IMPG1: variants seen among roughly 807,000 people sequenced by gnomAD.
IMPG1 encodes interphotoreceptor matrix proteoglycan of 150 kDa.
In IMPG1, 85 loss-of-function variants were observed where a neutral mutation model predicts 92.0. The ratio of observed to expected loss-of-function variants is 0.92; its 90% CI spans 0.78 to 1.11. The LOEUF (loss-of-function observed/expected upper bound fraction) is 1.11, where lower values mean the gene tolerates loss of function less well. Among genes scored for constraint, IMPG1 ranks in the 50% least tolerant of loss-of-function variants. The pLI, the probability that IMPG1 is intolerant of heterozygous loss-of-function variation, is 0.00. For synonymous variants in IMPG1, 367 were observed against 334.1 expected (o/e 1.10, Z -1.08); for missense variants, 1,022 against 956.0 (o/e 1.07, Z -0.91).
At chr6:75,983,813 A>G (rs1302945581) in intron 12 of IMPG1, among the ~76,000 whole-genome samples, 5 of 152,194 alleles carry the variant, frequency 3.3e-5, no homozygotes, top group Non-Finnish European at 7.4e-5. Flanking sequence ...ATTTTAAACC[A>G]TATATCTGAA....
rs192737001 is a variant in IMPG1 at position 76,020,875 on chromosome 6, A to T, written c.666+1241T>A. On this transcript the variant is annotated intron_variant, in intron 6 of 16. Transcript: ENST00000369950. ...GACTCTGGCATAACATTATGTGACA[A>T]AGAAGAAAATCAACTTGTTTTTACT... Among the ~76,000 whole-genome samples the T allele has an allele frequency of 1.8e-3, 273 of 152,340 alleles. 5 individuals carry two copies. The Middle Eastern group carries it at 0.061, about 34-fold the overall frequency.
Position 75,968,864 on chromosome 6 carries a change from C to G in IMPG1, c.1292-17770G>C, listed in dbSNP as rs888823345. On this transcript the variant is annotated intron_variant, in intron 12 of 16. Coordinates refer to ENST00000369950, the MANE Select transcript of IMPG1 (RefSeq NM_001563.4). ...CCTCGACCTTGGACTTTCCAGCCTC[C>G]AGAACTGCAAGCAATACATTTATTT... is the stretch of plus-strand genomic sequence containing the variant. Among the ~76,000 whole-genome samples, 23 of 152,092 alleles carry G rather than the reference C, an allele frequency of 1.5e-4. 1 individual carries two copies. The highest frequency in any genetic ancestry group is 3.4e-4 in the Non-Finnish European group (23 of 68,030).
At chr6:75,924,724 TA>T (rs71002778) in intron 15 of IMPG1, among the ~76,000 whole-genome samples, 5 of 5,486 alleles carry the variant, frequency 9.1e-4, no homozygotes, top group South Asian at 5.6e-3. Flanking sequence ...ATATATAATA[TA>T]ATTATATATA....
intron 1 of IMPG1, among the ~76,000 whole-genome samples, chr6:76,062,380 C>T (rs908926143): frequency 1.3e-5 from 2 of 152,194 alleles, no homozygotes; most frequent in African/African-American, 4.8e-5. Flanking sequence ...TAAAATGATG[C>T]TTGTCAAAAT....
intron 12 of IMPG1, among the ~76,000 whole-genome samples, chr6:75,962,502 T>C (rs1324311516): frequency 6.6e-6 from 1 of 151,996 alleles, no homozygotes; most frequent in African/African-American, 2.4e-5. Flanking sequence ...ACAAAACTAC[T>C]GGATGAAATG....
intron 4 of IMPG1, among the ~76,000 whole-genome samples, chr6:76,032,434 T>C (rs1179245332): frequency 6.6e-6 from 1 of 152,180 alleles, no homozygotes; most frequent in Non-Finnish European, 1.5e-5. Context: ...TCACATTATT[T>C]CTCCTGGCAA....
chr6:75,994,001 T>G (rs1486706493), intron 12 of IMPG1, among the ~76,000 whole-genome samples: 1 of 152,206 alleles, frequency 6.6e-6, no homozygotes, highest in Non-Finnish European at 1.5e-5. Context: ...CCTCCTGGCC[T>G]GAGCTGCTGT....
intron 14 of IMPG1, chr6:75,934,901 T>G (rs756665739): frequency 2.4e-5 from 11 of 467,740 alleles, no homozygotes; most frequent in African/African-American, 1.8e-4. Flanking sequence ...CTCCTGCTTT[T>G]GCGCTGTCCC....
chr6:76,009,835 G>A (rs1409677460), intron 8 of IMPG1, among the ~76,000 whole-genome samples: 1 of 152,140 alleles, frequency 6.6e-6, no homozygotes, highest in East Asian at 1.9e-4. Context: ...GGTGGATAAT[G>A]AACATTTTAA....
intron 12 of IMPG1, among the ~76,000 whole-genome samples, chr6:75,962,492 A>T (rs1782226632): frequency 6.6e-6 from 1 of 152,118 alleles, no homozygotes; most frequent in Non-Finnish European, 1.5e-5. Flanking sequence ...TCTTAACCTG[A>T]CAAAACTACT....
At chr6:76,066,320 T>TA (rs1319026102) in intron 1 of IMPG1, among the ~76,000 whole-genome samples, 3 of 151,904 alleles carry the variant, frequency 2.0e-5, no homozygotes, top group African/African-American at 4.8e-5. Flanking sequence ...GTGCTGCTTA[T>TA]AAAAAACTTG....
chr6:76,044,910 C>A (rs191102544), intron 1 of IMPG1, among the ~76,000 whole-genome samples: 2 of 152,104 alleles, frequency 1.3e-5, no homozygotes, highest in Non-Finnish European at 2.9e-5. Flanking sequence ...TTTATCCTAT[C>A]GGGGTAGGTG....
chr6:76,067,292 T>G (rs545891320), intron 1 of IMPG1, among the ~76,000 whole-genome samples: 1 of 151,422 alleles, frequency 6.6e-6, no homozygotes, highest in Non-Finnish European at 1.5e-5. Context: ...GACTGCCAGC[T>G]AGATTAACCA....
chr6:76,008,800 T>C lies in IMPG1; in HGVS notation c.867-1300A>G, dbSNP rs573729986. 5.1e-4 allele frequency among the ~76,000 whole-genome samples: 77 copies of C among 152,296 alleles called. 1 individual carries two copies. Among genetic ancestry groups the C allele is most frequent in the African/African-American group, 1.8e-3 (74 of 41,564 alleles). ...TTGATGCCATACACCTGTCAAACCA[T>C]TACCACAATCAAGATAGTGAGCATA... On this transcript the variant is annotated intron_variant, in intron 8 of 16. Transcript: ENST00000369950.
At chr6:76,029,476 T>C (rs550239333) in intron 4 of IMPG1, among the ~76,000 whole-genome samples, 3 of 152,390 alleles carry the variant, frequency 2.0e-5, no homozygotes, top group African/African-American at 7.2e-5. Flanking sequence ...AGGGAAATTA[T>C]GTTTCAAAAC....
chr6:76,028,499 A>G (rs924066409), intron 4 of IMPG1, among the ~76,000 whole-genome samples: 9 of 152,222 alleles, frequency 5.9e-5, no homozygotes, highest in Non-Finnish European at 1.0e-4. Flanking sequence ...TTTATTTTTC[A>G]GAGTCAAGGA....
intron 12 of IMPG1, among the ~76,000 whole-genome samples, chr6:75,979,192 C>T (rs895929686): frequency 2.0e-5 from 3 of 152,176 alleles, no homozygotes; most frequent in African/African-American, 4.8e-5. Flanking sequence ...GCTGGGATTA[C>T]AGGCGTGAGC....
intron 6 of IMPG1, 121 bp from the exon 7 acceptor site, chr6:76,018,979 A>G: frequency 1.1e-6 from 1 of 910,470 alleles, no homozygotes; most frequent in East Asian, 3.0e-5. Context: ...AGTGTTTTGC[A>G]ATCAAAATCC....
At chr6:76,036,428 C>T (rs1783743493) in intron 2 of IMPG1, among the ~76,000 whole-genome samples, 1 of 152,178 alleles carries the variant, frequency 6.6e-6, no homozygotes, top group African/African-American at 2.4e-5. Context: ...ACTTGAATCT[C>T]ACTCTATATC....
Sources: allele counts gnomAD v4.1 joint callset (sites outside exome capture counted in the v4.1 genomes callset), GRCh38; gene constraint gnomAD v4.1.1; transcripts MANE v1.5; gene names NCBI Gene and HGNC (gene_info 2026-07-23, HGNC 2026-07-21).